LRRC4C: variants seen among roughly 807,000 people sequenced by gnomAD.
The protein encoded by LRRC4C is leucine rich repeat containing 4C, also known as leucine-rich repeat-containing protein 4C.
A neutral mutation model predicts 33.6 loss-of-function variants in LRRC4C; 5 were observed. That is an observed-to-expected ratio of 0.15 (90% confidence interval 0.08 to 0.31). The LOEUF (loss-of-function observed/expected upper bound fraction) is 0.31, where lower values mean the gene tolerates loss of function less well. Among genes scored for constraint, LRRC4C ranks in the 10% least tolerant of loss-of-function variants. The pLI, the probability that LRRC4C is intolerant of heterozygous loss-of-function variation, is 1.00. For missense variants in LRRC4C, 560 were observed against 796.7 expected (o/e 0.70, Z 3.58); for synonymous variants, 329 against 302.0 (o/e 1.09, Z -0.93).
intron 1 of LRRC4C, among the ~76,000 whole-genome samples, chr11:41,304,276 T>C (rs1950395856): frequency 9.1e-6 from 1 of 109,832 alleles, no homozygotes; most frequent in Admixed American, 8.9e-5. Context: ...GAGGGGCGCC[T>C]CTGCCCGGCC....
chr11:40,177,154 T>C (rs757777448), intron 5 of LRRC4C, among the ~76,000 whole-genome samples: 2 of 151,956 alleles, frequency 1.3e-5, no homozygotes, highest in Non-Finnish European at 2.9e-5. Flanking sequence ...GGGGTTTCAT[T>C]GTGTTAGCCA....
chr11:40,895,007 A>C (rs1362371940), intron 2 of LRRC4C, among the ~76,000 whole-genome samples: 5 of 152,104 alleles, frequency 3.3e-5, no homozygotes, highest in Admixed American at 3.3e-4. Context: ...AATGTTAATA[A>C]ATGTTTATTA....
intron 3 of LRRC4C, among the ~76,000 whole-genome samples, chr11:40,560,346 A>G (rs1351293503): frequency 1.3e-5 from 2 of 152,146 alleles, no homozygotes; most frequent in African/African-American, 4.8e-5. Context: ...TTGGTTCCAA[A>G]TATATTAAAT....
At chr11:40,216,754 C>G (rs1277508628) in intron 5 of LRRC4C, among the ~76,000 whole-genome samples, 1 of 152,144 alleles carries the variant, frequency 6.6e-6, no homozygotes, top group African/African-American at 2.4e-5. Context: ...ACATGCCTGT[C>G]AATATTCTGC....
At chr11:41,245,465 C>G (rs1037658400) in intron 1 of LRRC4C, among the ~76,000 whole-genome samples, 1 of 152,180 alleles carries the variant, frequency 6.6e-6, no homozygotes, top group African/African-American at 2.4e-5. Flanking sequence ...CGGGTACTGG[C>G]TCCCTGCGAG....
chr11:40,627,950 C>T (rs1183017836), intron 3 of LRRC4C, among the ~76,000 whole-genome samples: 1 of 152,078 alleles, frequency 6.6e-6, no homozygotes, highest in Non-Finnish European at 1.5e-5. Context: ...TGGCACCCTA[C>T]CGAATTGTAA....
chr11:40,996,059 T>C (rs1853948274), intron 1 of LRRC4C, among the ~76,000 whole-genome samples: 1 of 152,186 alleles, frequency 6.6e-6, no homozygotes, highest in Non-Finnish European at 1.5e-5. Flanking sequence ...ATTTCCACAA[T>C]AGGAATAATA....
chr11:40,142,257 G>A (rs1283517317), intron 5 of LRRC4C, among the ~76,000 whole-genome samples: 1 of 134,616 alleles, frequency 7.4e-6, no homozygotes, highest in Non-Finnish European at 1.5e-5. Flanking sequence ...CCAGTCGGGT[G>A]ACACAGTGAG....
rs564888880 is a variant in LRRC4C at position 40,252,306 on chromosome 11, C to T, written c.-175-10708G>A. Among the ~76,000 whole-genome samples, 7 of 151,554 alleles carry T rather than the reference C, an allele frequency of 4.6e-5. No individual in the cohort carries two copies. The East Asian group carries it at 7.7e-4, about 17-fold the overall frequency. On this transcript the variant is annotated intron_variant, in intron 4 of 6. Coordinates refer to ENST00000528697, the MANE Select transcript of LRRC4C (RefSeq NM_001258419.2). ...TCATAATATACCCACCTAATATATA[C>T]ACACACACACAACCCTAACACATAT...
intron 3 of LRRC4C, among the ~76,000 whole-genome samples, chr11:40,441,087 T>G (rs1951374040): frequency 6.6e-6 from 1 of 152,186 alleles, no homozygotes; most frequent in Non-Finnish European, 1.5e-5. Context: ...TCCTCCACTC[T>G]TTTTCTGGGC....
chr11:41,439,241 G>A (rs1219714294), intron 1 of LRRC4C, among the ~76,000 whole-genome samples: 1 of 151,912 alleles, frequency 6.6e-6, no homozygotes, highest in East Asian at 1.9e-4. Flanking sequence ...AGTATTCCAT[G>A]GTATATATAT....
chr11:40,969,866 T>G, intron 1 of LRRC4C, among the ~76,000 whole-genome samples: 1 of 152,208 alleles, frequency 6.6e-6, no homozygotes, highest in Admixed American at 6.5e-5. Flanking sequence ...ACTATTCAGT[T>G]GAACAGACAT....
chr11:40,951,380 CTTAGT>C (rs1238768631), intron 1 of LRRC4C, among the ~76,000 whole-genome samples: 2 of 151,576 alleles, frequency 1.3e-5, no homozygotes, highest in African/African-American at 4.8e-5. Context: ...TATTGTGCTT[CTTAGT>C]TTAATCTGGC....
intron 2 of LRRC4C, among the ~76,000 whole-genome samples, chr11:40,791,121 T>A (rs1314487188): frequency 6.6e-6 from 1 of 152,166 alleles, no homozygotes; most frequent in South Asian, 2.1e-4. Context: ...ACTCCCCACC[T>A]CTTCCAGAGG....
chr11:40,632,903 T>C (rs1963588637), intron 3 of LRRC4C, among the ~76,000 whole-genome samples: 1 of 152,172 alleles, frequency 6.6e-6, no homozygotes, highest in South Asian at 2.1e-4. Context: ...TAACAAATGT[T>C]ATGCAGCAGA....
At chr11:40,844,137 A>G (rs1009818917) in intron 2 of LRRC4C, among the ~76,000 whole-genome samples, 5 of 152,022 alleles carry the variant, frequency 3.3e-5, no homozygotes, top group Non-Finnish European at 7.4e-5. Context: ...TGTACCTTTA[A>G]AAATACAGCA....
chr11:40,832,937 A>C (rs1309557831), intron 2 of LRRC4C, among the ~76,000 whole-genome samples: 3 of 152,194 alleles, frequency 2.0e-5, no homozygotes, highest in African/African-American at 7.2e-5. Flanking sequence ...ATAGAAAAAC[A>C]TGCAGCTCAA....
intron 3 of LRRC4C, among the ~76,000 whole-genome samples, chr11:40,495,359 G>T (rs1238280973): frequency 6.6e-6 from 1 of 151,924 alleles, no homozygotes; most frequent in Admixed American, 6.6e-5. Flanking sequence ...TCCCTGCAGC[G>T]CCACATATTT....
intron 3 of LRRC4C, among the ~76,000 whole-genome samples, chr11:40,335,063 A>G (rs1946537701): frequency 6.6e-6 from 1 of 152,188 alleles, no homozygotes; most frequent in Non-Finnish European, 1.5e-5. Context: ...TATGCTTGAT[A>G]TTATTTTTTA....
Sources: gnomAD v4.1 joint callset for allele counts (sites outside exome capture counted in the v4.1 genomes callset) on GRCh38, gnomAD v4.1.1 for gene constraint, MANE v1.5 for transcripts, NCBI Gene and HGNC (gene_info 2026-07-23, HGNC 2026-07-21) for gene names.